The following PTPRN2 variants were observed in gnomAD, a reference collection of about 807,000 sequenced individuals.
The protein encoded by PTPRN2 is receptor-type tyrosine-protein phosphatase N2.
A neutral mutation model predicts 118.8 loss-of-function variants in PTPRN2; 74 were observed. That is an observed-to-expected ratio of 0.62 (90% CI 0.52 to 0.76). The LOEUF (loss-of-function observed/expected upper bound fraction) is 0.76. Ranked by LOEUF, PTPRN2 falls within the 30% of genes least tolerant of loss-of-function variation. The pLI, the probability that PTPRN2 is intolerant of heterozygous loss-of-function variation, is 0.00. For synonymous variants in PTPRN2, 641 were observed against 608.0 expected (o/e 1.05, Z -0.80); for missense variants, 1,481 against 1,394.4 (o/e 1.06, Z -0.99).
chr7:158,407,156 T>TCCC (rs1813539204), intron 2 of PTPRN2, among the ~76,000 whole-genome samples: 1 of 98,798 alleles, frequency 1.0e-5, no homozygotes, highest in Admixed American at 1.2e-4. Context: ...TCCTGGGTCC[T>TCCC]GGGTCCTGGG....
intron 12 of PTPRN2, among the ~76,000 whole-genome samples, chr7:157,694,757 T>C (rs1390441553): frequency 4.7e-5 from 7 of 147,470 alleles, no homozygotes; most frequent in African/African-American, 7.3e-5. Flanking sequence ...ATGTGAGGAT[T>C]TTTTCTTTTT....
chr7:158,018,250 G>A (rs1806587938), intron 11 of PTPRN2, among the ~76,000 whole-genome samples: 1 of 152,246 alleles, frequency 6.6e-6, no homozygotes, highest in South Asian at 2.1e-4. Flanking sequence ...CTTGTTCACA[G>A]GCGCCGCTGG....
At chr7:157,756,333 C>T (rs940889140) in intron 12 of PTPRN2, among the ~76,000 whole-genome samples, 6 of 150,530 alleles carry the variant, frequency 4.0e-5, no homozygotes, top group African/African-American at 7.4e-5. Context: ...CAGGATCTGT[C>T]GCCCAGGCTG....
At chr7:158,368,577 C>T (rs1384347956) in intron 2 of PTPRN2, among the ~76,000 whole-genome samples, 2 of 152,138 alleles carry the variant, frequency 1.3e-5, no homozygotes, top group African/African-American at 4.8e-5. Context: ...CCCGCCCGCA[C>T]AGTAAATGAG....
chr7:157,593,641 C>T (rs1801123554), intron 17 of PTPRN2, among the ~76,000 whole-genome samples: 1 of 152,180 alleles, frequency 6.6e-6, no homozygotes, highest in African/African-American at 2.4e-5. Context: ...GGGGGCATCC[C>T]TGGAAGGGCC....
In PTPRN2 at chr7:158,022,313, C is replaced by A. The variant is rs191201361; in HGVS notation, c.1723+58985G>T. Among the ~76,000 whole-genome samples the A allele has an allele frequency of 1.4e-4, 21 of 152,330 alleles. No homozygotes were observed. The highest frequency in any genetic ancestry group is 4.3e-4 in the African/African-American group (18 of 41,584). ...TCCGAGCGTTTTCCATCCTTCCTGA[C>A]GGCCTCCACCACGAGACTTCAGGTC... On this transcript the variant is annotated intron_variant, in intron 11 of 22. Transcript: ENST00000389418. This position sits in a 1 kb window ranked among gnomAD's most constrained non-coding sequence, Gnocchi z 4.6.
chr7:158,198,527 C>T (rs891957744), intron 4 of PTPRN2, among the ~76,000 whole-genome samples: 2 of 152,232 alleles, frequency 1.3e-5, no homozygotes, highest in Admixed American at 6.5e-5. Context: ...TTATATCCAA[C>T]CTTCATGGCC....
intron 2 of PTPRN2, among the ~76,000 whole-genome samples, chr7:158,354,246 C>A (rs892405184): frequency 2.6e-5 from 4 of 152,124 alleles, no homozygotes; most frequent in East Asian, 3.9e-4. Context: ...CCCAGAAAAA[C>A]CAAAACACCC....
intron 3 of PTPRN2, among the ~76,000 whole-genome samples, chr7:158,224,021 C>A (rs1030602091): frequency 6.6e-6 from 1 of 152,086 alleles, no homozygotes; most frequent in Non-Finnish European, 1.5e-5. Flanking sequence ...TATTTAAAAC[C>A]ACTCAAAGAA....
chr7:158,429,021 G>A (rs11979259), intron 2 of PTPRN2, among the ~76,000 whole-genome samples: 10,271 of 152,204 alleles, frequency 0.067, 609 homozygotes, highest in African/African-American at 0.16. Flanking sequence ...GCGGGTTGGT[G>A]GCCAAGCCTG....
At chr7:158,458,371 C>G (rs1586722763) in intron 2 of PTPRN2, among the ~76,000 whole-genome samples, 1 of 152,190 alleles carries the variant, frequency 6.6e-6, no homozygotes, top group East Asian at 1.9e-4. Flanking sequence ...CAAAGCTTAC[C>G]ACGGCCACCT....
intron 11 of PTPRN2, among the ~76,000 whole-genome samples, chr7:157,939,005 C>A (rs1032947005): frequency 2.0e-5 from 3 of 152,190 alleles, no homozygotes; most frequent in African/African-American, 2.4e-5. Flanking sequence ...ATGGTGGCAG[C>A]CACATCAACT....
chr7:157,694,179 G>T (rs1383905638), intron 12 of PTPRN2, among the ~76,000 whole-genome samples: 1 of 152,232 alleles, frequency 6.6e-6, no homozygotes, highest in African/African-American at 2.4e-5. Context: ...TTCCTGATTT[G>T]ATCTTAATTT....
chr7:158,112,554 G>A (rs184135923), intron 9 of PTPRN2, among the ~76,000 whole-genome samples: 256 of 152,280 alleles, frequency 1.7e-3, no homozygotes, highest in African/African-American at 5.9e-3. Context: ...GGTGGAGTCC[G>A]CTGGCACTGG....
intron 1 of PTPRN2, among the ~76,000 whole-genome samples, chr7:158,501,044 C>G (rs1368944716): frequency 6.6e-6 from 1 of 152,260 alleles, no homozygotes; most frequent in Non-Finnish European, 1.5e-5. Context: ...ATGTGTGAGG[C>G]TCGGAGCACT....
chr7:157,621,406 C>T lies in PTPRN2; in HGVS notation c.2300G>A (p.Arg767Lys), dbSNP rs751653154. ...GCGGTTCTTGGGCACGTTCTCCTCC[C>T]TCTGGGCCACGAACGAGCTGTTGGG... ...AEPNSSFVAQREENVPKNRSL... is the reference protein window; with the variant it reads ...AEPNSSFVAQKEENVPKNRSL... The change falls in exon 15 of 23, where the codon AGG becomes AAG. Residue 767 changes from arginine to lysine, a missense_variant. Transcript: ENST00000389418. 31 of 1,606,964 alleles carry T rather than the reference C, an allele frequency of 1.9e-5. No homozygotes were observed. The highest frequency in any genetic ancestry group is 2.8e-5 in the African/African-American group (2 of 72,570).
intron 15 of PTPRN2, chr7:157,614,204 G>C (rs1802605809): frequency 4.5e-6 from 2 of 441,436 alleles, no homozygotes; most frequent in Admixed American, 5.0e-5. Flanking sequence ...GGCAGGGTTT[G>C]AAGTCTGTGG....
chr7:157,773,268 A>G (rs1802996802), intron 12 of PTPRN2, among the ~76,000 whole-genome samples: 1 of 152,208 alleles, frequency 6.6e-6, no homozygotes, highest in African/African-American at 2.4e-5. Flanking sequence ...GCTGAGGTTT[A>G]GCTCTACGCG....
rs115865755 is a variant in PTPRN2 at position 158,238,402 on chromosome 7, C to T, written c.278-33129G>A. Among the ~76,000 whole-genome samples, 1,370 of 152,120 alleles carry T rather than the reference C, an allele frequency of 9.0e-3. 27 individuals carry two copies. The highest frequency in any genetic ancestry group is 0.03 in the African/African-American group (1,263 of 41,492). Reference sequence around the variant, plus strand: ...CACCAAAAGCACAGCAGGCGAGACGCGGGGCACAGGAAGGAAGGAAGCCAC... The same window carrying T: ...CACCAAAAGCACAGCAGGCGAGACGTGGGGCACAGGAAGGAAGGAAGCCAC... On this transcript the variant is annotated intron_variant, in intron 3 of 22. Coordinates refer to ENST00000389418, the MANE Select transcript of PTPRN2 (RefSeq NM_002847.5).
Sources: allele counts gnomAD v4.1 joint callset (sites outside exome capture counted in the v4.1 genomes callset), GRCh38; gene constraint gnomAD v4.1.1; non-coding constraint Gnocchi (gnomAD v3.1); transcripts MANE v1.5; gene names NCBI Gene and HGNC (gene_info 2026-07-23, HGNC 2026-07-21).